The following AUTS2 variants were observed in gnomAD, a reference collection of about 807,000 sequenced individuals.
AUTS2 encodes autism susceptibility gene 2 protein.
AUTS2 carries 17 observed loss-of-function variants against 112.4 expected under a neutral mutation model. The ratio of observed to expected loss-of-function variants is 0.15; its 90% CI spans 0.10 to 0.23. AUTS2 has a LOEUF of 0.23. Among genes scored for constraint, AUTS2 ranks in the 10% least tolerant of loss-of-function variants. AUTS2 has a pLI of 1.00. For missense variants in AUTS2, 1,510 were observed against 1,701.6 expected, an observed-to-expected ratio of 0.89 and a Z score of 1.98; for synonymous variants, 751 against 702.7, an observed-to-expected ratio of 1.07 and a Z score of -1.09.
rs138129294 is a variant in AUTS2 at position 69,793,980 on chromosome 7, G to A, written c.310-105306G>A. On this transcript the variant is annotated intron_variant, in intron 1 of 18. Coordinates refer to ENST00000342771, the MANE Select transcript of AUTS2 (RefSeq NM_015570.4). ...AAGTTGGAGAATGCCACTCAAAGCG[G>A]GGGTGATTGGAGCATGGGGCTCCTG... 1.2e-3 allele frequency among the ~76,000 whole-genome samples: 180 copies of A among 152,282 alleles called. 1 individual carries two copies. In the East Asian group the frequency reaches 0.012, roughly 10 times the overall value.
intron 4 of AUTS2, among the ~76,000 whole-genome samples, chr7:70,343,549 A>G (rs936293617): frequency 1.3e-5 from 2 of 152,238 alleles, no homozygotes; most frequent in Non-Finnish European, 2.9e-5. Context: ...AAAGTACTAT[A>G]TGATAAATCT....
rs140552224 is a variant in AUTS2 at position 69,870,343 on chromosome 7, T to G, written c.310-28943T>G. On this transcript the variant is annotated intron_variant, in intron 1 of 18. Coordinates refer to ENST00000342771, the MANE Select transcript of AUTS2 (RefSeq NM_015570.4). ...AAGTAGATATTTAGGTTAAAAATTA[T>G]GTAGATATTTAAGTTAAAAATGTGA... 7.1e-3 allele frequency among the ~76,000 whole-genome samples: 1,074 copies of G among 150,368 alleles called. 17 individuals are homozygous for G. The highest frequency in any genetic ancestry group is 0.024 in the African/African-American group (1,000 of 41,056).
intron 1 of AUTS2, among the ~76,000 whole-genome samples, chr7:69,770,411 A>G (rs201012940): frequency 2.0e-5 from 3 of 152,180 alleles, no homozygotes; most frequent in East Asian, 3.9e-4. Context: ...CTGAGTTCAC[A>G]TGATGGGTCG....
chr7:70,625,462 C>A (rs1246694606), intron 5 of AUTS2, among the ~76,000 whole-genome samples: 1 of 152,226 alleles, frequency 6.6e-6, no homozygotes, highest in South Asian at 2.1e-4. Flanking sequence ...CAAAGCACTC[C>A]TCACCAGTAG....
At position 69,733,676 on chromosome 7, in the gene AUTS2, TTA is replaced by T. The variant is rs199854414; in HGVS notation, c.309+133715_309+133716del. Reference sequence around the variant, plus strand: ...TACATTGTATAAACAGTATGTAGTGTTAAGGATGTGCCTCGCATGTAAGCCAC... The same window carrying T: ...TACATTGTATAAACAGTATGTAGTGTAGGATGTGCCTCGCATGTAAGCCAC... On this transcript the variant is annotated intron_variant, in intron 1 of 18. Transcript: ENST00000342771. Among the ~76,000 whole-genome samples, 206 of 152,302 alleles carry T rather than the reference TTA, an allele frequency of 1.4e-3. 3 individuals are homozygous for T. The highest frequency in any genetic ancestry group is 0.012 in the Admixed American group (179 of 15,290).
At chr7:69,745,699 A>G (rs1393146127) in intron 1 of AUTS2, among the ~76,000 whole-genome samples, 1 of 152,204 alleles carries the variant, frequency 6.6e-6, no homozygotes, top group Non-Finnish European at 1.5e-5. Context: ...ATTAGAAATT[A>G]CATTTGGGGG....
At chr7:69,964,940 C>T (rs140558178) in intron 2 of AUTS2, among the ~76,000 whole-genome samples, 6 of 151,904 alleles carry the variant, frequency 3.9e-5, no homozygotes, top group Non-Finnish European at 7.4e-5. Context: ...CTTGAGTAAT[C>T]CCCTCACCCC....
chr7:70,360,262 G>A (rs1792200168), intron 4 of AUTS2, among the ~76,000 whole-genome samples: 1 of 152,040 alleles, frequency 6.6e-6, no homozygotes, highest in Admixed American at 6.6e-5. Flanking sequence ...TGAGTAGCTG[G>A]GACTAGGTAC....
chr7:70,477,492 A>G (rs1017767819), intron 5 of AUTS2, among the ~76,000 whole-genome samples: 1 of 152,186 alleles, frequency 6.6e-6, no homozygotes, highest in Non-Finnish European at 1.5e-5. Flanking sequence ...TAAACTCCCT[A>G]GAAGCTGATG....
chr7:70,656,453 G>GAAC (rs141791185), intron 5 of AUTS2, among the ~76,000 whole-genome samples: 15,652 of 151,982 alleles, frequency 0.1, 867 homozygotes, highest in South Asian at 0.15. Flanking sequence ...ACTCATTTAA[G>GAAC]AACAGCAAGA....
intron 1 of AUTS2, among the ~76,000 whole-genome samples, chr7:69,629,902 T>C (rs1200976186): frequency 6.6e-6 from 1 of 152,036 alleles, no homozygotes; most frequent in East Asian, 1.9e-4. Flanking sequence ...AATTTCAGTT[T>C]TGTGGGACAG....
intron 2 of AUTS2, among the ~76,000 whole-genome samples, chr7:69,946,458 A>G (rs530558223): frequency 2.0e-5 from 3 of 152,230 alleles, no homozygotes; most frequent in East Asian, 3.9e-4. Context: ...AGCTATCTGC[A>G]CTACCATGTT....
intron 2 of AUTS2, among the ~76,000 whole-genome samples, chr7:70,070,796 T>C (rs1196832983): frequency 6.7e-6 from 1 of 149,556 alleles, no homozygotes; most frequent in African/African-American, 2.5e-5. Flanking sequence ...CGCTTGAACC[T>C]GGGAGGTGGA....
chr7:70,651,941 G>A (rs909215040), intron 5 of AUTS2, among the ~76,000 whole-genome samples: 5 of 152,278 alleles, frequency 3.3e-5, no homozygotes, highest in East Asian at 1.9e-4. Context: ...AGACTTTGGC[G>A]CCTCCATTTT....
intron 1 of AUTS2, among the ~76,000 whole-genome samples, chr7:69,828,996 A>G (rs1791377278): frequency 6.6e-6 from 1 of 152,228 alleles, no homozygotes; most frequent in Admixed American, 6.5e-5. Context: ...AAACTATACT[A>G]CAAGGCTACA....
chr7:70,296,149 T>A (rs1788924397), intron 4 of AUTS2, among the ~76,000 whole-genome samples: 1 of 152,198 alleles, frequency 6.6e-6, no homozygotes, highest in Non-Finnish European at 1.5e-5. Context: ...CTTCCCAAGG[T>A]CAGTTCTCTT....
At chr7:70,625,967 C>T (rs921078247) in intron 5 of AUTS2, among the ~76,000 whole-genome samples, 30 of 151,980 alleles carry the variant, frequency 2.0e-4, no homozygotes, top group Non-Finnish European at 4.3e-4. Flanking sequence ...GGCTGGAGTG[C>T]AGTGATGCAA....
intron 4 of AUTS2, among the ~76,000 whole-genome samples, chr7:70,149,015 C>T (rs1223892089): frequency 6.6e-6 from 1 of 151,936 alleles, no homozygotes; most frequent in Non-Finnish European, 1.5e-5. Context: ...ATGTTCTGTT[C>T]TCATTATGTT....
At chr7:70,196,933 T>C (rs1202279121) in intron 4 of AUTS2, among the ~76,000 whole-genome samples, 1 of 152,254 alleles carries the variant, frequency 6.6e-6, no homozygotes, top group African/African-American at 2.4e-5. Context: ...GGTTGTCTTC[T>C]TTACACTTAG....
Sources: allele counts gnomAD v4.1 joint callset (sites outside exome capture counted in the v4.1 genomes callset), GRCh38; gene constraint gnomAD v4.1.1; transcripts MANE v1.5; gene names NCBI Gene and HGNC (gene_info 2026-07-23, HGNC 2026-07-21).